DMXL2: variants seen among roughly 807,000 people sequenced by gnomAD.
DMXL2 encodes the protein dmX-like protein 2.
DMXL2 carries 103 observed loss-of-function variants against 331.1 expected under a neutral mutation model. The ratio of observed to expected loss-of-function variants is 0.31; its 90% CI spans 0.27 to 0.37. The LOEUF is 0.37. DMXL2 is among the 10% of genes least tolerant of loss of function. The pLI is 1.00. For missense variants in DMXL2, 3,171 were observed against 3,642.9 expected (o/e 0.87, Z 3.33); for synonymous variants, 1,281 against 1,252.1 (o/e 1.02, Z -0.49).
At chr15:51,484,191 C>CGTG in intron 23 of DMXL2, among the ~76,000 whole-genome samples, 1 of 152,232 alleles carries the variant, frequency 6.6e-6, no homozygotes, top group East Asian at 1.9e-4. Flanking sequence ...GCTGAGTAGC[C>CGTG]GTGAGGCCAC....
intron 40 of DMXL2, chr15:51,453,938 T>C: frequency 4.0e-6 from 1 of 247,124 alleles, no homozygotes; most frequent in Non-Finnish European, 7.7e-6. Flanking sequence ...CTAAGACCCG[T>C]CAATTTTAGT....
intron 14 of DMXL2, among the ~76,000 whole-genome samples, chr15:51,515,490 C>T (rs2046984181): frequency 6.6e-6 from 1 of 152,092 alleles, no homozygotes; most frequent in Non-Finnish European, 1.5e-5. Context: ...TTTTGTGTTT[C>T]TCTAGGTAGA....
intron 1 of DMXL2, among the ~76,000 whole-genome samples, chr15:51,620,026 G>C (rs2054531383): frequency 6.6e-6 from 1 of 152,060 alleles, no homozygotes; most frequent in Non-Finnish European, 1.5e-5. Flanking sequence ...ATGAAGAGGA[G>C]CTTGCTTTTT....
intron 42 of DMXL2, among the ~76,000 whole-genome samples, chr15:51,451,159 G>A (rs1002381308): frequency 2.0e-5 from 3 of 152,108 alleles, no homozygotes; most frequent in African/African-American, 7.2e-5. Flanking sequence ...CAGGTGTGGT[G>A]GCTCATGCTT....
chr15:51,583,317 C>A (rs1318722757), intron 1 of DMXL2, among the ~76,000 whole-genome samples: 18 of 94,120 alleles, frequency 1.9e-4, no homozygotes, highest in African/African-American at 7.4e-4. Context: ...TGATATTCCC[C>A]TTCCTGTGTC....
At chr15:51,451,921 T>A (rs993347990) in intron 41 of DMXL2, among the ~76,000 whole-genome samples, 1 of 152,198 alleles carries the variant, frequency 6.6e-6, no homozygotes, top group Non-Finnish European at 1.5e-5. Flanking sequence ...CTACCCCATC[T>A]CCTTTCCATT....
chr15:51,545,585 C>G lies in DMXL2; in HGVS notation c.928G>C (p.Glu310Gln), dbSNP rs2048843609. 1 of 1,612,274 alleles carries G rather than the reference C, an allele frequency of 6.2e-7. No individual in the cohort carries two copies. Among genetic ancestry groups the G allele is most frequent in the Non-Finnish European group, 8.5e-7 (1 of 1,178,972 alleles). The part of the protein sequence containing the change: ...RHKDRIQHAL[E>Q]TIHHLKNLRK... ...TACCATTTTAAATAATATAATACCT[C>G]AAGAGCATGCTGTATTCTGTCTTTG... Residue 310 changes from glutamate (E) to glutamine (Q), a missense_variant and splice_region_variant, in exon 8 of 44, where the codon GAG (glutamate) becomes CAG (glutamine). Physicochemically the swap from Glu to Gln is conservative, Grantham distance 29 (BLOSUM62 2). Around this residue, in one of 7 missense-constraint regions of DMXL2, gnomAD observed 1,674 missense variants for 1,780.2 expected, o/e 0.94. Coordinates refer to ENST00000560891, the MANE Select transcript of DMXL2 (RefSeq NM_001378457.1).
intron 25 of DMXL2, among the ~76,000 whole-genome samples, chr15:51,479,243 T>C (rs2041827934): frequency 6.6e-6 from 1 of 152,022 alleles, no homozygotes; most frequent in African/African-American, 2.4e-5. Context: ...TGCCAGAGAG[T>C]AAATGTGCCT....
chr15:51,491,864 G>A, intron 19 of DMXL2, 117 bp from the exon 20 acceptor site: 2 of 833,370 alleles, frequency 2.4e-6, no homozygotes, highest in Non-Finnish European at 3.5e-6. Context: ...CAGAAAGAAA[G>A]AATGAAAGGC....
At chr15:51,562,312 C>G (rs961811256) in intron 6 of DMXL2, among the ~76,000 whole-genome samples, 1 of 151,976 alleles carries the variant, frequency 6.6e-6, no homozygotes, top group Non-Finnish European at 1.5e-5. Flanking sequence ...CCGAGAAAAT[C>G]AAGCATAAGA....
At chr15:51,569,218 T>C (rs576373321) in intron 2 of DMXL2, among the ~76,000 whole-genome samples, 1 of 152,248 alleles carries the variant, frequency 6.6e-6, no homozygotes, top group Non-Finnish European at 1.5e-5. Context: ...TATCACAGCA[T>C]CTGAGGTTGA....
chr15:51,553,157 AT>A (rs2049326291), intron 6 of DMXL2, among the ~76,000 whole-genome samples: 3 of 152,230 alleles, frequency 2.0e-5, no homozygotes, highest in South Asian at 2.1e-4. Flanking sequence ...AATACTTGAT[AT>A]TTTTTTCTGT....
chr15:51,514,679 A>G, intron 14 of DMXL2, 120 bp from the exon 15 acceptor site: 1 of 647,886 alleles, frequency 1.5e-6, no homozygotes, highest in South Asian at 1.8e-5. Context: ...TCTATTCTTT[A>G]CCACTACTAA....
intron 29 of DMXL2, 117 bp from the exon 30 acceptor site, chr15:51,466,428 A>G: frequency 1.1e-5 from 4 of 370,786 alleles, no homozygotes; most frequent in Non-Finnish European, 1.6e-5. Flanking sequence ...GTATATAATT[A>G]TTTTTGTTCT....
intron 1 of DMXL2, among the ~76,000 whole-genome samples, chr15:51,596,660 T>C (rs2052832240): frequency 6.6e-6 from 1 of 152,262 alleles, no homozygotes; most frequent in East Asian, 1.9e-4. Context: ...AGCAAAGACT[T>C]GGAACCAACC....
intron 17 of DMXL2, among the ~76,000 whole-genome samples, 169 bp downstream of exon 17, chr15:51,502,637 A>G (rs2043754356): frequency 6.6e-6 from 1 of 152,180 alleles, no homozygotes; most frequent in African/African-American, 2.4e-5. Flanking sequence ...AATTATTTCT[A>G]ATAAAGACAT....
intron 3 of DMXL2, among the ~76,000 whole-genome samples, chr15:51,566,709 A>G (rs2050312723): frequency 6.6e-6 from 1 of 152,188 alleles, no homozygotes. Flanking sequence ...AAAATACCAA[A>G]ACCATTTGTT....
At chr15:51,573,224 G>C (rs1567136310) in intron 2 of DMXL2, among the ~76,000 whole-genome samples, 1 of 152,200 alleles carries the variant, frequency 6.6e-6, no homozygotes, top group African/African-American at 2.4e-5. Context: ...TGGAGAAATA[G>C]GAACGCTTTT....
intron 24 of DMXL2, 143 bp from the exon 25 acceptor site, chr15:51,480,282 G>T: frequency 1.1e-6 from 1 of 872,682 alleles, no homozygotes; most frequent in South Asian, 2.1e-5. Context: ...CACCCAGTAT[G>T]TACCAGGTAC....
Sources: gnomAD v4.1 joint callset for allele counts (sites outside exome capture counted in the v4.1 genomes callset) on GRCh38, gnomAD v4.1.1 for gene constraint, gnomAD v4.1.1 regional missense constraint, MANE v1.5 for transcripts, NCBI Gene and HGNC (gene_info 2026-07-23, HGNC 2026-07-21) for gene names.